PGM5: variants seen among roughly 807,000 people sequenced by gnomAD.
The protein encoded by PGM5 is phosphoglucomutase 5, also known as phosphoglucomutase-like protein 5.
A neutral mutation model predicts 59.2 loss-of-function variants in PGM5; 23 were observed. That is an observed-to-expected ratio of 0.39 (90% CI 0.28 to 0.55). The LOEUF (loss-of-function observed/expected upper bound fraction) is 0.55. Among genes scored for constraint, PGM5 ranks in the 20% least tolerant of loss-of-function variants. The probability of loss-of-function intolerance (pLI) is 0.66; values close to 1 mark genes in which losing one functional copy is unlikely to be tolerated. For synonymous variants in PGM5, 214 were observed against 286.0 expected (o/e 0.75, Z 2.54); for missense variants, 574 against 748.3 (o/e 0.77, Z 2.72).
In PGM5 at chr9:68,460,001, G is replaced by A. The variant is rs541346084; in HGVS notation, c.1044-5092G>A. Among the ~76,000 whole-genome samples, 13 of 152,308 alleles carry A rather than the reference G, an allele frequency of 8.5e-5. No homozygotes were observed. In the South Asian group the frequency reaches 2.5e-3, roughly 29 times the overall value. On this transcript the variant is annotated intron_variant, in intron 6 of 10. Transcript: ENST00000396396. ...TAAAAGGGGTCTGAGAGTTCAGTGTGTAGAAAATAGTACCATGGGCCCTTC... is the reference window on the plus strand; with the variant it reads ...TAAAAGGGGTCTGAGAGTTCAGTGTATAGAAAATAGTACCATGGGCCCTTC...
chr9:68,412,167 G>A (rs1460306883), intron 6 of PGM5, among the ~76,000 whole-genome samples: 1 of 151,088 alleles, frequency 6.6e-6, no homozygotes, highest in African/African-American at 2.4e-5. Context: ...AAACTTGAAT[G>A]GGATAATAAA....
At chr9:68,403,766 G>A (rs1195611937) in intron 6 of PGM5, among the ~76,000 whole-genome samples, 1 of 152,204 alleles carries the variant, frequency 6.6e-6, no homozygotes, top group South Asian at 2.1e-4. Context: ...TCATTCGTGT[G>A]GGTTGGTGTG....
intron 10 of PGM5, among the ~76,000 whole-genome samples, chr9:68,527,359 G>A (rs1824999498): frequency 6.6e-6 from 1 of 152,208 alleles, no homozygotes. Context: ...CAGCTAAAGT[G>A]ATTGAGTTTA....
At chr9:68,447,258 A>G (rs1414769557) in intron 6 of PGM5, among the ~76,000 whole-genome samples, 1 of 152,222 alleles carries the variant, frequency 6.6e-6, no homozygotes, top group Non-Finnish European at 1.5e-5. Context: ...TCTGACTTTT[A>G]GTGAAAATTT....
chr9:68,401,915 G>A (rs1160121210), intron 6 of PGM5, among the ~76,000 whole-genome samples: 1 of 148,586 alleles, frequency 6.7e-6, no homozygotes, highest in Non-Finnish European at 1.5e-5. Flanking sequence ...GTGTGTGTGT[G>A]TGTGTGTGTG....
chr9:68,385,059 T>G (rs1467519095), intron 3 of PGM5, among the ~76,000 whole-genome samples: 1 of 135,684 alleles, frequency 7.4e-6, no homozygotes, highest in Non-Finnish European at 1.6e-5. Context: ...TCAGTAACTA[T>G]CAAATATATT....
chr9:68,413,330 T>C (rs1395142634), intron 6 of PGM5, among the ~76,000 whole-genome samples: 1 of 151,896 alleles, frequency 6.6e-6, no homozygotes, highest in Non-Finnish European at 1.5e-5. Flanking sequence ...TAAGAAAGGC[T>C]CCCAGTGATG....
chr9:68,467,980 A>G (rs1418192060), intron 7 of PGM5, among the ~76,000 whole-genome samples: 1 of 152,006 alleles, frequency 6.6e-6, no homozygotes, highest in Non-Finnish European at 1.5e-5. Context: ...TGAATAAAAT[A>G]TTTTTTGTGT....
intron 5 of PGM5, 133 bp from the exon 6 acceptor site, chr9:68,392,186 T>C: frequency 2.2e-6 from 3 of 1,360,322 alleles, no homozygotes; most frequent in Non-Finnish European, 3.0e-6. Context: ...ATGTTTCCCA[T>C]GTTCTCTTTG....
At chr9:68,451,915 C>T (rs139274829) in intron 6 of PGM5, among the ~76,000 whole-genome samples, 236 of 152,324 alleles carry the variant, frequency 1.5e-3, no homozygotes, top group African/African-American at 5.4e-3. Flanking sequence ...TTTATTATGA[C>T]AGCGCTTCAG....
rs187267145 is a variant in PGM5, at chr9:68,387,146, G to A, written c.572-317G>A. ...GTGCTGTGTGCATTTTTTTGGGAGGGAAAGTGGGAGCAGGAGTAACAGGGC... is the reference window on the plus strand; with the variant it reads ...GTGCTGTGTGCATTTTTTTGGGAGGAAAAGTGGGAGCAGGAGTAACAGGGC... On this transcript the variant is annotated intron_variant, in intron 3 of 10. Coordinates refer to ENST00000396396, the MANE Select transcript of PGM5 (RefSeq NM_021965.4). 4.6e-3 allele frequency among the ~76,000 whole-genome samples: 705 copies of A among 151,970 alleles called. 6 individuals are homozygous for A. The highest frequency in any genetic ancestry group is 0.014 in the South Asian group (65 of 4,812).
At chr9:68,454,447 C>A (rs1823741591) in intron 6 of PGM5, among the ~76,000 whole-genome samples, 1 of 152,134 alleles carries the variant, frequency 6.6e-6, no homozygotes, top group African/African-American at 2.4e-5. Flanking sequence ...GTGCAAAGAA[C>A]TGAAGTGGCC....
intron 1 of PGM5, among the ~76,000 whole-genome samples, chr9:68,368,605 A>G (rs530611966): frequency 3.0e-3 from 450 of 152,278 alleles, no homozygotes; most frequent in African/African-American, 0.01. Flanking sequence ...CTGTTTAGTT[A>G]TTAGCAAACT....
At chr9:68,502,234 T>G (rs1554688705) in intron 10 of PGM5, among the ~76,000 whole-genome samples, 1 of 152,202 alleles carries the variant, frequency 6.6e-6, no homozygotes, top group African/African-American at 2.4e-5. Flanking sequence ...ACCTAGTTTT[T>G]TAAAATACAA....
intron 4 of PGM5, among the ~76,000 whole-genome samples, chr9:68,389,321 A>G (rs1389373589): frequency 6.6e-6 from 1 of 152,128 alleles, no homozygotes; most frequent in Non-Finnish European, 1.5e-5. Context: ...CAACATATAC[A>G]GTCATGTAAC....
chr9:68,388,570 G>A (rs1337876927), intron 4 of PGM5, among the ~76,000 whole-genome samples: 5 of 151,982 alleles, frequency 3.3e-5, no homozygotes, highest in Non-Finnish European at 5.9e-5. Context: ...GTACATTTTG[G>A]AGGAACACAT....
intron 4 of PGM5, among the ~76,000 whole-genome samples, chr9:68,390,733 C>T (rs458252): frequency 6.6e-6 from 1 of 152,162 alleles, no homozygotes; most frequent in Non-Finnish European, 1.5e-5. Flanking sequence ...AGATGGGCTT[C>T]CCACTCTAAA....
intron 1 of PGM5, among the ~76,000 whole-genome samples, chr9:68,376,475 C>CTGTGTATGTG (rs1215951897): frequency 2.2e-4 from 28 of 129,570 alleles, no homozygotes; most frequent in African/African-American, 6.1e-4. Context: ...TGCTTTTGAG[C>CTGTGTATGTG]TGTGTGTGTG....
At chr9:68,446,162 C>T (rs111284051) in intron 6 of PGM5, among the ~76,000 whole-genome samples, 4,063 of 152,246 alleles carry the variant, frequency 0.027, 72 homozygotes, top group Non-Finnish European at 0.041. Flanking sequence ...TGAATTATAA[C>T]AAGGGTGAAA....
Sources: gnomAD v4.1 joint callset for allele counts (sites outside exome capture counted in the v4.1 genomes callset) on GRCh38, gnomAD v4.1.1 for gene constraint, MANE v1.5 for transcripts, NCBI Gene and HGNC (gene_info 2026-07-23, HGNC 2026-07-21) for gene names.